The following RBM6 variants were observed in gnomAD, a reference collection of about 807,000 sequenced individuals.
RBM6 encodes the protein RNA binding motif protein 6.
In RBM6, 23 loss-of-function variants were observed where a neutral mutation model predicts 140.4. The observed-to-expected ratio is 0.16, with a 90% CI of 0.12 to 0.23. The LOEUF is 0.23. Among genes scored for constraint, RBM6 ranks in the 10% least tolerant of loss-of-function variants. The probability of loss-of-function intolerance (pLI) is 1.00; values close to 1 mark genes in which losing one functional copy is unlikely to be tolerated. For synonymous variants in RBM6, 439 were observed against 475.6 expected (o/e 0.92, Z 1.00); for missense variants, 1,139 against 1,386.7 (o/e 0.82, Z 2.84).
intron 6 of RBM6, among the ~76,000 whole-genome samples, chr3:50,020,876 C>T (rs2087442218): frequency 6.6e-6 from 1 of 152,096 alleles, no homozygotes; most frequent in Non-Finnish European, 1.5e-5. Flanking sequence ...TATATGCAAG[C>T]CCATTGTTGA....
intron 6 of RBM6, among the ~76,000 whole-genome samples, chr3:50,000,707 C>T (rs1285666912): frequency 6.6e-6 from 1 of 152,086 alleles, no homozygotes; most frequent in African/African-American, 2.4e-5. Flanking sequence ...GCATGAGCCA[C>T]CGTGCCCAGC....
intron 3 of RBM6, among the ~76,000 whole-genome samples, chr3:49,971,431 C>T (rs7648174): frequency 0.36 from 53,038 of 149,192 alleles, 10,027 homozygotes; most frequent in Non-Finnish European, 0.44. Context: ...GGCGACAGAG[C>T]GACACTCTGT....
At chr3:50,040,213 G>A (rs978693323) in intron 6 of RBM6, among the ~76,000 whole-genome samples, 2 of 151,936 alleles carry the variant, frequency 1.3e-5, no homozygotes, top group African/African-American at 4.8e-5. Context: ...TTGGGAGGCC[G>A]AGGTGGGCAG....
rs757342873 is a variant in RBM6 at position 49,967,556 on chromosome 3, C to T, written c.131C>T (p.Ser44Phe). Residue 44 changes from serine to phenylalanine, a missense_variant, in exon 3 of 21, where the codon TCT (serine) becomes TTT (phenylalanine). Transcript: ENST00000266022. The surrounding 1 kb of genome is among the most constrained non-coding windows in gnomAD (Gnocchi z 4.0). ...AAGAGTCATGCTCAAGAGAGACACT[C>T]TGGCAACTTTCCTGGCAGAGATTCA... ...PLKSHAQERHSGNFPGRDSLP... is the reference protein window; with the variant it reads ...PLKSHAQERHFGNFPGRDSLP... 2 of 1,614,032 alleles carry T rather than the reference C, an allele frequency of 1.2e-6. No individual in the cohort carries two copies. Among genetic ancestry groups the T allele is most frequent in the Non-Finnish European group, 1.7e-6 (2 of 1,180,030 alleles).
intron 9 of RBM6, 85 bp downstream of exon 9, chr3:50,058,088 C>T (rs2089787519): frequency 1.4e-6 from 2 of 1,467,386 alleles, no homozygotes; most frequent in Non-Finnish European, 1.8e-6. Flanking sequence ...GAGCTATCTG[C>T]TTTCCAGTAC....
intron 1 of RBM6, among the ~76,000 whole-genome samples, chr3:49,951,762 G>A (rs761905340): frequency 1.3e-5 from 2 of 151,390 alleles, no homozygotes; most frequent in African/African-American, 2.4e-5. Context: ...TCGCCCTGTC[G>A]CCCAGGCTGG....
At chr3:50,050,349 G>A (rs1035441926) in intron 7 of RBM6, among the ~76,000 whole-genome samples, 3 of 152,068 alleles carry the variant, frequency 2.0e-5, no homozygotes, top group African/African-American at 7.2e-5. Flanking sequence ...CTTTCACCTA[G>A]CATGTTTTCA....
At chr3:50,046,178 G>T (rs1222803275) in intron 6 of RBM6, among the ~76,000 whole-genome samples, 2 of 151,910 alleles carry the variant, frequency 1.3e-5, no homozygotes, top group South Asian at 4.2e-4. Flanking sequence ...CTACTCGGGA[G>T]GCTGAGGCAG....
intron 6 of RBM6, among the ~76,000 whole-genome samples, chr3:50,006,100 G>A (rs1392092197): frequency 3.3e-5 from 5 of 149,930 alleles, no homozygotes; most frequent in Non-Finnish European, 7.4e-5. Flanking sequence ...TCACTGGTTC[G>A]CCCAGGCTGT....
chr3:50,050,813 AT>A (rs1279602229), intron 7 of RBM6, among the ~76,000 whole-genome samples: 1 of 151,916 alleles, frequency 6.6e-6, no homozygotes, highest in African/African-American at 2.4e-5. Context: ...CATTTTCCTA[AT>A]GACTTTGAGG....
At chr3:49,988,402 C>T (rs1460384014) in intron 5 of RBM6, among the ~76,000 whole-genome samples, 1 of 151,776 alleles carries the variant, frequency 6.6e-6, no homozygotes, top group Non-Finnish European at 1.5e-5. Context: ...CCTTGCCCTC[C>T]CAAATTGCTG....
chr3:49,994,385 A>G (rs1358677146), intron 5 of RBM6, among the ~76,000 whole-genome samples: 1 of 152,170 alleles, frequency 6.6e-6, no homozygotes, highest in Non-Finnish European at 1.5e-5. Context: ...TTAACAGAGC[A>G]AAGTACCTGT....
chr3:50,022,919 C>CA (rs2087585274), intron 6 of RBM6, among the ~76,000 whole-genome samples: 1 of 151,952 alleles, frequency 6.6e-6, no homozygotes, highest in Non-Finnish European at 1.5e-5. Flanking sequence ...GGCAATGTAG[C>CA]AAAACCCCAT....
At position 49,941,640 on chromosome 3, in the gene RBM6, C is replaced by CAAAAAAAA. The variant is rs1171636981; in HGVS notation, c.-67+1438_-67+1445dup. Among the ~76,000 whole-genome samples, 106 of 58,722 alleles carry CAAAAAAAA rather than the reference C, an allele frequency of 1.8e-3. 2 individuals are homozygous for CAAAAAAAA. The highest frequency in any genetic ancestry group is 7.5e-3 in the African/African-American group (105 of 13,934). The allele number at this position is 58,722 out of a possible 152,430, so 38.5% of individuals were successfully genotyped here. A position where few individuals can be genotyped will look rare whatever the true frequency, so the allele number is the denominator to read the frequency against. The stretch of plus-strand genomic sequence containing the variant: ...GGGCCACAAGAGTGAAACTCTGTCT[C>CAAAAAAAA]AAAAAAAAAAAAAAAAAAAAAAAAA... On this transcript the variant is annotated intron_variant, in intron 1 of 20. Transcript: ENST00000266022.
chr3:49,986,271 G>T (rs932996876), intron 5 of RBM6, among the ~76,000 whole-genome samples: 6 of 150,848 alleles, frequency 4.0e-5, no homozygotes, highest in Non-Finnish European at 8.9e-5. Context: ...TGGGATTACA[G>T]ATGTGAGCCA....
intron 6 of RBM6, among the ~76,000 whole-genome samples, chr3:50,046,297 C>T (rs1213415625): frequency 3.5e-5 from 5 of 141,614 alleles, no homozygotes; most frequent in East Asian, 2.2e-4. Flanking sequence ...AAAAAAAAGA[C>T]GGCCAGGCGC....
intron 4 of RBM6, 106 bp from the exon 5 acceptor site, chr3:49,975,217 G>A: frequency 1.0e-6 from 1 of 996,082 alleles, no homozygotes; most frequent in Non-Finnish European, 1.6e-6. Context: ...CTTTTCCAAA[G>A]TAATCATGGC....
At chr3:50,026,492 G>A (rs1181746849) in intron 6 of RBM6, among the ~76,000 whole-genome samples, 1 of 150,348 alleles carries the variant, frequency 6.7e-6, no homozygotes. Context: ...CCATTTTCCT[G>A]CCTCAGCCTC....
At chr3:49,995,377 G>A (rs1463333720) in intron 5 of RBM6, among the ~76,000 whole-genome samples, 1 of 152,030 alleles carries the variant, frequency 6.6e-6, no homozygotes, top group African/African-American at 2.4e-5. Flanking sequence ...CCAACGTGGC[G>A]AAACTCCGTC....
Sources: allele counts gnomAD v4.1 joint callset (sites outside exome capture counted in the v4.1 genomes callset), GRCh38; gene constraint gnomAD v4.1.1; non-coding constraint Gnocchi (gnomAD v3.1); transcripts MANE v1.5; gene names NCBI Gene and HGNC (gene_info 2026-07-23, HGNC 2026-07-21).